PCDH15: variants seen among roughly 807,000 people sequenced by gnomAD.
The protein encoded by PCDH15 is protocadherin-15.
PCDH15 carries 129 observed loss-of-function variants against 178.5 expected under a neutral mutation model. The observed-to-expected ratio is 0.72, with a 90% CI of 0.63 to 0.84. The LOEUF (loss-of-function observed/expected upper bound fraction) is 0.84. Ranked by LOEUF, PCDH15 falls within the 40% of genes least tolerant of loss-of-function variation. The probability of loss-of-function intolerance (pLI) is 0.00; values close to 1 mark genes in which losing one functional copy is unlikely to be tolerated. For missense variants in PCDH15, 2,230 were observed against 2,099.9 expected (o/e 1.06, Z -1.21); for synonymous variants, 800 against 732.0 (o/e 1.09, Z -1.50).
At chr10:55,281,334 A>G (rs554740276) in intron 1 of PCDH15, among the ~76,000 whole-genome samples, 35 of 152,042 alleles carry the variant, frequency 2.3e-4, no homozygotes, top group Non-Finnish European at 1.5e-4. Flanking sequence ...CAGGTTTTCC[A>G]GGGGAGCTTT....
chr10:55,341,762 CATATATATATAT>C (rs775413614), intron 2 of PCDH15, among the ~76,000 whole-genome samples: 818 of 43,508 alleles, frequency 0.019, 6 homozygotes, highest in Middle Eastern at 0.075. Flanking sequence ...CATACATATG[CATATATATATAT>C]ATATATATAT....
intron 3 of PCDH15, among the ~76,000 whole-genome samples, chr10:54,470,726 C>A (rs770956929): frequency 6.6e-6 from 1 of 152,132 alleles, no homozygotes; most frequent in Non-Finnish European, 1.5e-5. Context: ...CTGCATACTC[C>A]TTGCCAATTG....
rs1408903136 is a variant in PCDH15, at chr10:53,805,434, T to G, written c.*1145A>C. 4 of 152,086 alleles carry G rather than the reference T, an allele frequency of 2.6e-5. No homozygotes were observed. Among genetic ancestry groups the G allele is most frequent in the African/African-American group, 4.8e-5 (2 of 41,442 alleles). 9.4% of individuals were successfully genotyped at this position (152,086 alleles called of 1,614,324 possible). A position where few individuals can be genotyped will look rare whatever the true frequency, so the allele number is the denominator to read the frequency against. ...TCTACTTATGATGAAACACTGTGCT[T>G]TGTTCAATGGTAAAAAATCAAGACC... On this transcript the variant is annotated 3_prime_UTR_variant, in exon 38 of 38. Coordinates refer to ENST00000644397, the MANE Select transcript of PCDH15 (RefSeq NM_001384140.1).
At chr10:55,245,281 C>T (rs1198378625) in intron 1 of PCDH15, among the ~76,000 whole-genome samples, 1 of 151,988 alleles carries the variant, frequency 6.6e-6, no homozygotes, top group Non-Finnish European at 1.5e-5. Context: ...ACAAGATCCT[C>T]AACAGAATTT....
At chr10:54,861,984 T>A (rs575362932) in intron 3 of PCDH15, among the ~76,000 whole-genome samples, 2 of 152,292 alleles carry the variant, frequency 1.3e-5, no homozygotes, top group Admixed American at 6.5e-5. Context: ...CTGGCTACAA[T>A]GATGTTAAGT....
chr10:55,288,205 AC>A (rs1462277891), intron 1 of PCDH15, among the ~76,000 whole-genome samples: 1 of 150,578 alleles, frequency 6.6e-6, no homozygotes, highest in African/African-American at 2.4e-5. Context: ...ACGTAGGCTA[AC>A]TTGAAGAAAA....
At chr10:54,066,909 A>T (rs1244309850) in intron 17 of PCDH15, 24 bp from the exon 18 acceptor site, 1 of 1,610,546 alleles carries the variant, frequency 6.2e-7, no homozygotes, top group Non-Finnish European at 8.5e-7. Flanking sequence ...ACAAGCATTA[A>T]ATGTGAGAGG....
At chr10:54,534,426 C>T (rs1372295229) in intron 2 of PCDH15, among the ~76,000 whole-genome samples, 1 of 152,122 alleles carries the variant, frequency 6.6e-6, no homozygotes, top group African/African-American at 2.4e-5. Context: ...GAAAAATAGA[C>T]TCCTTGAACT....
intron 13 of PCDH15, among the ~76,000 whole-genome samples, chr10:54,158,209 A>T (rs1056157893): frequency 6.6e-6 from 1 of 152,192 alleles, no homozygotes; most frequent in African/African-American, 2.4e-5. Context: ...CACATTGCTG[A>T]TATAGACATA....
At chr10:55,291,680 A>G (rs554150261) in intron 1 of PCDH15, among the ~76,000 whole-genome samples, 2 of 152,322 alleles carry the variant, frequency 1.3e-5, no homozygotes, top group East Asian at 3.9e-4. Context: ...CAAAAGGGAA[A>G]AAGAACATAA....
At chr10:55,478,082 A>G (rs1439605407) in intron 2 of PCDH15, among the ~76,000 whole-genome samples, 1 of 151,846 alleles carries the variant, frequency 6.6e-6, no homozygotes, top group African/African-American at 2.4e-5. Flanking sequence ...CTATAAAAAG[A>G]TGGAAAAGAC....
At chr10:55,070,874 G>A (rs1373120312) in intron 2 of PCDH15, among the ~76,000 whole-genome samples, 1 of 152,024 alleles carries the variant, frequency 6.6e-6, no homozygotes, top group Non-Finnish European at 1.5e-5. Flanking sequence ...GGGCAGTATG[G>A]CCATTTTCAC....
At chr10:54,239,394 T>C (rs2054989328) in intron 8 of PCDH15, among the ~76,000 whole-genome samples, 1 of 150,208 alleles carries the variant, frequency 6.7e-6, no homozygotes, top group South Asian at 2.1e-4. Flanking sequence ...TTCCTCATCT[T>C]ACACATTTGC....
Position 55,620,915 on chromosome 10 carries a change from T to A in PCDH15, c.-156+6710A>T, listed in dbSNP as rs556043307. On this transcript the variant is annotated intron_variant, in intron 2 of 5. Transcript: ENST00000613346. ...TAAAGTCTTTTAAAATTAAAAATAA[T>A]TTAAAATTTTGTCATACATTTATGA... 4.3e-4 allele frequency among the ~76,000 whole-genome samples: 65 copies of A among 151,848 alleles called. No homozygotes were observed. The South Asian group carries it at 0.012, about 28-fold the overall frequency.
intron 2 of PCDH15, among the ~76,000 whole-genome samples, chr10:54,532,194 C>A (rs904931704): frequency 1.3e-5 from 2 of 152,052 alleles, no homozygotes; most frequent in African/African-American, 4.8e-5. Flanking sequence ...ATAATTAAAA[C>A]CTTGCTTATT....
rs757050134 is a variant in PCDH15, at chr10:54,347,888, A to G, written c.475-1404T>C. The stretch of plus-strand genomic sequence containing the variant: ...TTTTGAGATGGAGTCTCACTCTGTC[A>G]CCCAGGCTGGAGTGCAGTGGCACGG... On this transcript the variant is annotated intron_variant, in intron 5 of 37. Transcript: ENST00000644397. Among the ~76,000 whole-genome samples, 4 of 151,850 alleles carry G rather than the reference A, an allele frequency of 2.6e-5. No individual in the cohort carries two copies. The South Asian group carries it at 6.2e-4, about 24-fold the overall frequency.
intron 3 of PCDH15, among the ~76,000 whole-genome samples, chr10:54,830,669 G>A (rs1015810165): frequency 1.1e-4 from 17 of 151,136 alleles, no homozygotes; most frequent in Non-Finnish European, 2.2e-4. Context: ...CAACAACATG[G>A]CACATGTATA....
intron 23 of PCDH15, among the ~76,000 whole-genome samples, chr10:53,955,362 C>T (rs1423728274): frequency 1.3e-5 from 2 of 152,174 alleles, no homozygotes; most frequent in East Asian, 3.9e-4. Flanking sequence ...GTCTGATTAC[C>T]CTGAGATTTA....
chr10:54,523,718 T>C (rs765036348), intron 3 of PCDH15, among the ~76,000 whole-genome samples: 1 of 152,230 alleles, frequency 6.6e-6, no homozygotes, highest in Non-Finnish European at 1.5e-5. Context: ...AGAAACTTTA[T>C]ACTGTTGATT....
Sources: gnomAD v4.1 joint callset for allele counts (sites outside exome capture counted in the v4.1 genomes callset) on GRCh38, gnomAD v4.1.1 for gene constraint, MANE v1.5 for transcripts, NCBI Gene and HGNC (gene_info 2026-07-23, HGNC 2026-07-21) for gene names.